The following AGBL4 variants were observed in gnomAD, a reference collection of about 807,000 sequenced individuals.
AGBL4 encodes the protein AGBL carboxypeptidase 4, also known as cytosolic carboxypeptidase 6.
Under a neutral mutation model 66.4 loss-of-function variants are expected in AGBL4, and 58 were observed. That is an observed-to-expected ratio of 0.87 (90% CI 0.71 to 1.09). The LOEUF is 1.09. AGBL4 is among the 50% of genes least tolerant of loss of function. The probability of loss-of-function intolerance (pLI) is 0.00; values close to 1 mark genes in which losing one functional copy is unlikely to be tolerated. For synonymous variants in AGBL4, 234 were observed against 222.9 expected (o/e 1.05, Z -0.44); for missense variants, 579 against 631.0 (o/e 0.92, Z 0.88).
rs578120624 is a variant in AGBL4, at chr1:49,470,009, G to A, written c.283-224145C>T. ...TCCCCTAGTCTCAGTCTCTCTACCT[G>A]TAAAATTAGAATAATAACAGTCACT... On this transcript the variant is annotated intron_variant, in intron 3 of 13. Transcript: ENST00000371839. 3.9e-5 allele frequency: 6 copies of A among 151,924 alleles called. No individual in the cohort carries two copies. The South Asian group carries it at 1.2e-3, about 32-fold the overall frequency. 9.4% of individuals were successfully genotyped at this position (151,924 alleles called of 1,614,324 possible). A position where few individuals can be genotyped will look rare whatever the true frequency, so the allele number is the denominator to read the frequency against.
intron 3 of AGBL4, among the ~76,000 whole-genome samples, chr1:49,309,152 A>T (rs1644901121): frequency 6.6e-6 from 1 of 152,132 alleles, no homozygotes; most frequent in Admixed American, 6.6e-5. Flanking sequence ...TCTAGGCTCA[A>T]CATTCTGTGT....
rs369578925 is a variant in AGBL4, at chr1:49,053,471, G to A, written c.378-7671C>T. Among the ~76,000 whole-genome samples, 13 of 152,194 alleles carry A rather than the reference G, an allele frequency of 8.5e-5. 1 individual carries two copies. Among genetic ancestry groups the A allele is most frequent in the African/African-American group, 3.1e-4 (13 of 41,544 alleles). ...GCAGCTTTTTGTACCAGTCAATTGTGCTGTGGCCCATGTTGTAACCTTCAA... is the reference window on the plus strand; with the variant it reads ...GCAGCTTTTTGTACCAGTCAATTGTACTGTGGCCCATGTTGTAACCTTCAA... On this transcript the variant is annotated intron_variant, in intron 4 of 13. Transcript: ENST00000371839.
At chr1:49,647,938 A>C (rs1400961918) in intron 3 of AGBL4, among the ~76,000 whole-genome samples, 2 of 152,016 alleles carry the variant, frequency 1.3e-5, no homozygotes, top group African/African-American at 4.8e-5. Context: ...CACATTACTA[A>C]AGGCCTATTT....
At chr1:49,791,961 T>A (rs1644611351) in intron 2 of AGBL4, among the ~76,000 whole-genome samples, 1 of 152,118 alleles carries the variant, frequency 6.6e-6, no homozygotes. Flanking sequence ...TAGAATGTAC[T>A]CAATAAATTT....
At chr1:49,945,420 T>C (rs1307642092) in intron 1 of AGBL4, among the ~76,000 whole-genome samples, 1 of 152,104 alleles carries the variant, frequency 6.6e-6, no homozygotes, top group Non-Finnish European at 1.5e-5. Context: ...TTCAACCTCA[T>C]TAAACCAAAC....
intron 5 of AGBL4, among the ~76,000 whole-genome samples, chr1:48,885,251 T>G (rs1357390234): frequency 6.6e-6 from 1 of 152,254 alleles, no homozygotes; most frequent in Non-Finnish European, 1.5e-5. Context: ...AACTGCAATG[T>G]CCATAAATAT....
rs576232472 is a variant in AGBL4, at chr1:49,982,975, T to A, written c.34+40788A>T. Among the ~76,000 whole-genome samples, 3 of 152,312 alleles carry A rather than the reference T, an allele frequency of 2.0e-5. No individual in the cohort carries two copies. The South Asian group carries it at 6.2e-4, about 32-fold the overall frequency. Reference sequence around the variant, plus strand: ...AGCACTCAGCAGAACAGCCTGGCTATGAATAAGAGCTATCCACTGCAAGTC... The same window carrying A: ...AGCACTCAGCAGAACAGCCTGGCTAAGAATAAGAGCTATCCACTGCAAGTC... On this transcript the variant is annotated intron_variant, in intron 1 of 13. Coordinates refer to ENST00000371839, the MANE Select transcript of AGBL4 (RefSeq NM_032785.4).
intron 6 of AGBL4, among the ~76,000 whole-genome samples, chr1:48,831,398 A>G (rs1224232017): frequency 6.6e-6 from 1 of 152,226 alleles, no homozygotes; most frequent in Non-Finnish European, 1.5e-5. Context: ...CAAGTGCTAC[A>G]GAGATGTAAG....
rs550958453 is a variant in AGBL4 at position 49,771,856 on chromosome 1, T to C, written c.158-74419A>G. Among the ~76,000 whole-genome samples, 275 of 152,174 alleles carry C rather than the reference T, an allele frequency of 1.8e-3. 3 individuals carry two copies. Among genetic ancestry groups the C allele is most frequent in the African/African-American group, 6.2e-3 (257 of 41,562 alleles). ...TTTTCCATCCCTTCATTTTCAGCCC[T>C]GTATTGTCTTTAATGGTGAGATGAG... On this transcript the variant is annotated intron_variant, in intron 2 of 13. Coordinates refer to ENST00000371839, the MANE Select transcript of AGBL4 (RefSeq NM_032785.4).
At chr1:48,907,905 A>G (rs1426687902) in intron 5 of AGBL4, among the ~76,000 whole-genome samples, 1 of 152,150 alleles carries the variant, frequency 6.6e-6, no homozygotes, top group Non-Finnish European at 1.5e-5. Context: ...CCAGGCCAAG[A>G]AAAGGAGGGT....
At chr1:49,031,643 C>G (rs2149036163) in intron 5 of AGBL4, among the ~76,000 whole-genome samples, 1 of 152,024 alleles carries the variant, frequency 6.6e-6, no homozygotes, top group Middle Eastern at 3.4e-3. Flanking sequence ...GGCCAATAAG[C>G]ACACAAAAAG....
rs561461389 is a variant in AGBL4 at position 48,538,694 on chromosome 1, A to T, written c.1364+948T>A. Reference sequence around the variant, plus strand: ...AATGTCTATGAGGAATAAATAATACAATGTACACAAAGTACTCTGTACAAT... The same window carrying T: ...AATGTCTATGAGGAATAAATAATACTATGTACACAAAGTACTCTGTACAAT... On this transcript the variant is annotated intron_variant, in intron 12 of 13. Coordinates refer to ENST00000371839, the MANE Select transcript of AGBL4 (RefSeq NM_032785.4). Among the ~76,000 whole-genome samples, 5 of 152,334 alleles carry T rather than the reference A, an allele frequency of 3.3e-5. No individual in the cohort carries two copies. The South Asian group carries it at 1.0e-3, about 32-fold the overall frequency.
At chr1:49,948,472 A>AATATATATAAATATAAATATATAAAAAT (rs1373735952) in intron 1 of AGBL4, among the ~76,000 whole-genome samples, 9 of 124,460 alleles carry the variant, frequency 7.2e-5, no homozygotes, top group Admixed American at 3.8e-4. Flanking sequence ...TAAATATATA[A>AATATATATAAATATAAATATATAAAAAT]ATATATAAAT....
intron 5 of AGBL4, among the ~76,000 whole-genome samples, chr1:49,031,130 C>A (rs1664190297): frequency 6.6e-6 from 1 of 151,936 alleles, no homozygotes; most frequent in African/African-American, 2.4e-5. Flanking sequence ...CTTTGTCACC[C>A]AGGCTGGAGT....
chr1:48,725,835 G>A (rs1647237546), intron 6 of AGBL4, among the ~76,000 whole-genome samples: 1 of 152,238 alleles, frequency 6.6e-6, no homozygotes, highest in Non-Finnish European at 1.5e-5. Context: ...TAATTAGTGT[G>A]TGAAGCCTCC....
At chr1:49,135,863 G>A (rs776569056) in intron 4 of AGBL4, among the ~76,000 whole-genome samples, 9 of 152,070 alleles carry the variant, frequency 5.9e-5, no homozygotes, top group East Asian at 1.9e-4. Context: ...GCCAGTTTAC[G>A]GCCAGATTTT....
At chr1:49,342,678 G>A (rs939271074) in intron 3 of AGBL4, among the ~76,000 whole-genome samples, 5 of 152,188 alleles carry the variant, frequency 3.3e-5, no homozygotes, top group African/African-American at 9.7e-5. Flanking sequence ...TCTTTTCGTG[G>A]TAGCAGTGAA....
At chr1:48,643,773 G>A (rs1027777577) in intron 8 of AGBL4, among the ~76,000 whole-genome samples, 3 of 113,918 alleles carry the variant, frequency 2.6e-5, no homozygotes, top group Admixed American at 9.0e-5. Flanking sequence ...GGTCAGCTCC[G>A]GAAAAGAAGC....
chr1:49,573,124 A>G lies in AGBL4; in HGVS notation c.282+124189T>C, dbSNP rs530259402. Among the ~76,000 whole-genome samples the G allele has an allele frequency of 1.4e-3, 201 of 146,446 alleles. 1 individual carries two copies. The highest frequency in any genetic ancestry group is 3.2e-3 in the African/African-American group (123 of 38,774). On this transcript the variant is annotated intron_variant, in intron 3 of 13. Transcript: ENST00000371839. ...ATATAATAAATTCTCATATATATAT[A>G]TGTGTGTCTGTGTGTGTGTGTCTGT... is the stretch of plus-strand genomic sequence containing the variant.
Sources: allele counts gnomAD v4.1 joint callset (sites outside exome capture counted in the v4.1 genomes callset), GRCh38; gene constraint gnomAD v4.1.1; transcripts MANE v1.5; gene names NCBI Gene and HGNC (gene_info 2026-07-23, HGNC 2026-07-21).